B3GALNT2: variants seen among roughly 807,000 people sequenced by gnomAD.
B3GALNT2 encodes the protein beta-1,3-N-acetylgalactosaminyltransferase 2.
In B3GALNT2, 53 loss-of-function variants were observed where a neutral mutation model predicts 61.1. The ratio of observed to expected loss-of-function variants is 0.87; its 90% CI spans 0.70 to 1.09. The LOEUF is 1.09. Ranked by LOEUF, B3GALNT2 falls within the 50% of genes least tolerant of loss-of-function variation. The pLI is 0.00. For missense variants in B3GALNT2, 544 were observed against 623.0 expected (o/e 0.87, Z 1.35); for synonymous variants, 223 against 237.4 (o/e 0.94, Z 0.56).
At chr1:235,456,903 C>T (rs1447283281) in intron 8 of B3GALNT2, among the ~76,000 whole-genome samples, 2 of 152,124 alleles carry the variant, frequency 1.3e-5, no homozygotes, top group African/African-American at 4.8e-5. Context: ...AAAGGAGGTT[C>T]TTTTTCTTAC....
Position 235,450,239 on chromosome 1 carries a change from C to G in B3GALNT2, c.1470G>C (p.Arg490=), listed in dbSNP as rs1057524072. The G allele has an allele frequency of 6.2e-7, 1 of 1,614,158 alleles. No homozygotes were observed. The highest frequency in any genetic ancestry group is 8.5e-7 in the Non-Finnish European group (1 of 1,180,026). The change falls in exon 12 of 12, where the codon CGG becomes CGC. Residue 490 remains arginine, a synonymous_variant. Coordinates refer to ENST00000366600, the MANE Select transcript of B3GALNT2 (RefSeq NM_152490.5). ...CTTGACATCGACAAGGATCACCGCA[C>G]CGTTCCTTCAGTTTCCACAGTTCCG... ...ELTELWKLKE[R]CGDPCRCQAR
At position 235,447,208 on chromosome 1, in the gene B3GALNT2, G is replaced by A. The variant is rs1682406142; in HGVS notation, c.*2998C>T. Among the ~76,000 whole-genome samples the A allele has an allele frequency of 6.6e-6, 1 of 151,974 alleles. No individual in the cohort carries two copies. Among genetic ancestry groups the A allele is most frequent in the Non-Finnish European group, 1.5e-5 (1 of 67,982 alleles). ...AACTGTATTCAATACATACAAAAAG[G>A]CCAGTTTTTATTCTAAAATAAAGAA... On this transcript the variant is annotated 3_prime_UTR_variant, in exon 12 of 12. Coordinates refer to ENST00000366600, the MANE Select transcript of B3GALNT2 (RefSeq NM_152490.5).
chr1:235,494,477 G>C (rs1685219402), intron 2 of B3GALNT2, among the ~76,000 whole-genome samples: 1 of 150,978 alleles, frequency 6.6e-6, no homozygotes, highest in Admixed American at 6.6e-5. Flanking sequence ...TTTAAATTAG[G>C]CAGGGACTCA....
the B3GALNT2 span, chr1:235,441,099 A>C: frequency 6.5e-6 from 1 of 152,762 alleles, no homozygotes; most frequent in Non-Finnish European, 1.5e-5. Context: ...GTGAATTCTA[A>C]ATCACTCGGG....
At chr1:235,491,151 T>C (rs188648764) in intron 2 of B3GALNT2, among the ~76,000 whole-genome samples, 89 of 151,700 alleles carry the variant, frequency 5.9e-4, no homozygotes, top group African/African-American at 2.1e-3. Flanking sequence ...TGATACAGCA[T>C]AGAAGTCACT....
intron 11 of B3GALNT2, among the ~76,000 whole-genome samples, chr1:235,452,777 C>T (rs930106449): frequency 6.6e-6 from 1 of 152,130 alleles, no homozygotes; most frequent in African/African-American, 2.4e-5. Flanking sequence ...TGGTCTTGAA[C>T]TCCTGGGCTC....
intron 3 of B3GALNT2, among the ~76,000 whole-genome samples, chr1:235,487,116 G>A (rs376872436): frequency 4.6e-5 from 7 of 151,006 alleles, no homozygotes; most frequent in African/African-American, 1.5e-4. Flanking sequence ...AGCCGAGATC[G>A]CGCCATTGCA....
At chr1:235,440,714 GC>G in the B3GALNT2 span, 1 of 152,226 alleles carries the variant, frequency 6.6e-6, no homozygotes, top group Non-Finnish European at 1.5e-5. Flanking sequence ...TTTTTTTAAA[GC>G]CCCCCAGGTA....
At chr1:235,494,444 G>C (rs569127729) in intron 2 of B3GALNT2, among the ~76,000 whole-genome samples, 15 of 146,420 alleles carry the variant, frequency 1.0e-4, no homozygotes, top group Non-Finnish European at 1.8e-4. Context: ...TTCAAAGTAA[G>C]GTTTTTCAGA....
rs1685721417 is a variant in B3GALNT2, at chr1:235,504,141, CT to C, written c.111del (p.Asp38IlefsTer17). The C allele has an allele frequency of 7.9e-7, 1 of 1,272,206 alleles. No individual in the cohort carries two copies. Among genetic ancestry groups the C allele is most frequent in the Non-Finnish European group, 9.9e-7 (1 of 1,013,638 alleles). 78.8% of individuals were successfully genotyped at this position (1,272,206 alleles called of 1,614,324 possible). On this transcript the variant is annotated frameshift_variant and splice_region_variant, in exon 1 of 12. Transcript: ENST00000366600. LOFTEE classifies it high-confidence loss of function. ...AACCCGCCCGGCCCCAGGACCTCAC[CT>C]GCAGGGCCGGCCCCGGAGGCGCAGG... ...PPACASGAGP[A>X]DQLALFPQWK...
chr1:235,498,503 A>C (rs1435358300), intron 1 of B3GALNT2, among the ~76,000 whole-genome samples: 1 of 152,190 alleles, frequency 6.6e-6, no homozygotes, highest in African/African-American at 2.4e-5. Context: ...TTGTAACTAA[A>C]TGATGGTACT....
chr1:235,448,076 A>G lies in B3GALNT2; in HGVS notation c.*2130T>C, dbSNP rs1682549684. 6.6e-6 allele frequency among the ~76,000 whole-genome samples: 1 copy of G among 151,934 alleles called. No homozygotes were observed. On this transcript the variant is annotated 3_prime_UTR_variant, in exon 12 of 12. Coordinates refer to ENST00000366600, the MANE Select transcript of B3GALNT2 (RefSeq NM_152490.5). ...ATACAAAAGTTAGCTGGGTGTGGTGATGGGCACCAGCTACTCAGGAGGCTG... is the reference window on the plus strand; with the variant it reads ...ATACAAAAGTTAGCTGGGTGTGGTGGTGGGCACCAGCTACTCAGGAGGCTG...
downstream of B3GALNT2, among the ~76,000 whole-genome samples, chr1:235,443,557 G>A (rs1001462444): frequency 6.6e-6 from 1 of 152,110 alleles, no homozygotes; most frequent in African/African-American, 2.4e-5. Flanking sequence ...ATAGCCTTTT[G>A]GAAGCATTCC....
Position 235,448,038 on chromosome 1 carries a change from G to A in B3GALNT2, c.*2168C>T, listed in dbSNP as rs868320403. ...AGCCTGGCCAACATGGTGAAACCCC[G>A]TCTCTACTAAAAATACAAAAGTTAG... is the stretch of plus-strand genomic sequence containing the variant. On this transcript the variant is annotated 3_prime_UTR_variant, in exon 12 of 12. Coordinates refer to ENST00000366600, the MANE Select transcript of B3GALNT2 (RefSeq NM_152490.5). Among the ~76,000 whole-genome samples, 33 of 152,034 alleles carry A rather than the reference G, an allele frequency of 2.2e-4. No individual in the cohort carries two copies. Among genetic ancestry groups the A allele is most frequent in the South Asian group, 6.3e-4 (3 of 4,800 alleles).
intron 8 of B3GALNT2, among the ~76,000 whole-genome samples, chr1:235,458,056 C>T (rs987915583): frequency 4.6e-5 from 7 of 151,866 alleles, no homozygotes; most frequent in African/African-American, 1.5e-4. Context: ...TATAGGCGCT[C>T]GCCACCACAC....
chr1:235,480,264 C>T lies in B3GALNT2; in HGVS notation c.556-115G>A, dbSNP rs146316105. 2.2e-3 allele frequency: 3,217 copies of T among 1,441,850 alleles called. 10 individuals carry two copies. The highest frequency in any genetic ancestry group is 2.8e-3 in the Non-Finnish European group (3,013 of 1,079,716). The allele number at this position is 1,441,850 out of a possible 1,614,324, so 89.3% of individuals were successfully genotyped here. On this transcript the variant is annotated intron_variant, in intron 4 of 11. Coordinates refer to ENST00000366600, the MANE Select transcript of B3GALNT2 (RefSeq NM_152490.5). ...GCTAAATCCACAATGGCCCTAACCACGGTCACTAACATGGTTCTACTGTGG... is the reference window on the plus strand; with the variant it reads ...GCTAAATCCACAATGGCCCTAACCATGGTCACTAACATGGTTCTACTGTGG...
chr1:235,479,869 T>G (rs144266710), intron 5 of B3GALNT2, 185 bp downstream of exon 5: 517 of 1,008,966 alleles, frequency 5.1e-4, no homozygotes, highest in Non-Finnish European at 6.4e-4. Flanking sequence ...TGAGGCCTCA[T>G]GAAGTCCTCA....
Position 235,450,124 on chromosome 1 carries a change from C to A in B3GALNT2, c.*82G>T. On this transcript the variant is annotated 3_prime_UTR_variant, in exon 12 of 12. Transcript: ENST00000366600. ...TCTTGAAAGACCATACAGTCTACTG[C>A]TAAACCCTGGGACTCCTCAGACTTG... 1 of 1,538,162 alleles carries A rather than the reference C, an allele frequency of 6.5e-7. No individual in the cohort carries two copies. Among genetic ancestry groups the A allele is most frequent in the Non-Finnish European group, 8.9e-7 (1 of 1,117,546 alleles).
chr1:235,455,931 T>C (rs1407161540), intron 8 of B3GALNT2, among the ~76,000 whole-genome samples: 4 of 152,200 alleles, frequency 2.6e-5, no homozygotes, highest in South Asian at 2.1e-4. Context: ...AAAGAGCATA[T>C]TGAAGGAAAA....
Sources: allele counts gnomAD v4.1 joint callset (sites outside exome capture counted in the v4.1 genomes callset), GRCh38; gene constraint gnomAD v4.1.1; transcripts MANE v1.5; gene names NCBI Gene and HGNC (gene_info 2026-07-23, HGNC 2026-07-21).